Variants in CGN observed in about 807,000 individuals in gnomAD.
CGN encodes cingulin.
In CGN, 121 loss-of-function variants were observed where a neutral mutation model predicts 157.1. The observed-to-expected ratio is 0.77, with a 90% confidence interval of 0.66 to 0.90. The LOEUF (loss-of-function observed/expected upper bound fraction) is 0.90, where lower values mean the gene tolerates loss of function less well. Ranked by LOEUF, CGN falls within the 40% of genes least tolerant of loss-of-function variation. CGN has a pLI of 0.00. For missense variants in CGN, 1,424 were observed against 1,520.9 expected (o/e 0.94, Z 1.06); for synonymous variants, 535 against 607.5 (o/e 0.88, Z 1.76).
chr1:151,529,301 A>G (rs1557991194), intron 10 of CGN, 49 bp from the exon 11 acceptor site: 7 of 1,500,442 alleles, frequency 4.7e-6, no homozygotes, highest in African/African-American at 4.1e-5. Flanking sequence ...ACATTCAGGT[A>G]TCTTAGTCTG....
rs1304813778 is a variant in CGN at position 151,524,731 on chromosome 1, G to A, written c.1459G>A (p.Glu487Lys). Residue 487 changes from glutamate (E) to lysine (K), a missense_variant, in exon 8 of 21, where the codon GAG (glutamate) becomes AAG (lysine). Around this residue, in one of 3 missense-constraint regions of CGN, gnomAD observed 1,187 missense variants for 1,217.6 expected, o/e 0.97. Transcript: ENST00000271636. The surrounding 1 kb of genome is among the most constrained non-coding windows in gnomAD (Gnocchi z 4.4). The stretch of plus-strand genomic sequence containing the variant: ...GGTCTTGGAGGGGAAACAGCGAGTA[G>A]AGGAGCAGCTGAGGCTGCGGGAGCG... ...EEVLEGKQRV[E>K]EQLRLREREL... 6.2e-7 allele frequency: 1 copy of A among 1,610,700 alleles called. No individual in the cohort carries two copies. The highest frequency in any genetic ancestry group is 1.7e-5 in the Admixed American group (1 of 58,520).
At position 151,529,405 on chromosome 1, in the gene CGN, A is replaced by C; in HGVS notation, c.1952A>C (p.Gln651Pro). 6.2e-7 allele frequency: 1 copy of C among 1,613,696 alleles called. No individual in the cohort carries two copies. The highest frequency in any genetic ancestry group is 8.5e-7 in the Non-Finnish European group (1 of 1,179,846). Residue 651 changes from glutamine to proline, a missense_variant, in exon 11 of 21, where the codon CAG (glutamine) becomes CCG (proline). Around this residue, in one of 3 missense-constraint regions of CGN, gnomAD observed 1,187 missense variants for 1,217.6 expected, o/e 0.97. Transcript: ENST00000271636. ...LKELQAERQS[Q>P]EVAGRHRDRE... The stretch of plus-strand genomic sequence containing the variant: ...GAACTGCAGGCAGAACGGCAGAGCC[A>C]GGAGGTGGCTGGGCGACACCGGGAC...
intron 1 of CGN, chr1:151,515,650 T>C (rs1355734644): frequency 1.3e-5 from 2 of 152,246 alleles, no homozygotes; most frequent in Non-Finnish European, 2.9e-5. Context: ...GTTTTTTGTA[T>C]TTTTTGTAGA....
Position 151,522,714 on chromosome 1 carries a change from G to C in CGN, c.1141-720G>C, listed in dbSNP as rs890487648. 2.6e-5 allele frequency among the ~76,000 whole-genome samples: 4 copies of C among 151,996 alleles called. 1 individual carries two copies. The highest frequency in any genetic ancestry group is 2.0e-4 in the Admixed American group (3 of 15,246). ...AGATTACCTGAGGTCGGGAGTTTGA[G>C]ACCAGCCTGACCAACATGGAGAAAC... On this transcript the variant is annotated intron_variant, in intron 5 of 20. Coordinates refer to ENST00000271636, the MANE Select transcript of CGN (RefSeq NM_020770.3).
intron 2 of CGN, 86 bp from the exon 3 acceptor site, chr1:151,520,080 C>T (rs1242504908): frequency 2.0e-6 from 2 of 982,672 alleles, no homozygotes; most frequent in East Asian, 5.2e-5. Context: ...ACTTCTCCTC[C>T]ATCTGAACCC....
chr1:151,532,807 G>T (rs1664870486), intron 14 of CGN, among the ~76,000 whole-genome samples: 1 of 151,910 alleles, frequency 6.6e-6, no homozygotes. Flanking sequence ...TTTCAGTAGA[G>T]ACGGGGTTTC....
Position 151,520,274 on chromosome 1 carries a change from G to T in CGN, c.974+8G>T. The T allele has an allele frequency of 6.2e-7, 1 of 1,609,750 alleles. No homozygotes were observed. On this transcript the variant is annotated splice_region_variant and intron_variant, in intron 3 of 20. Coordinates refer to ENST00000271636, the MANE Select transcript of CGN (RefSeq NM_020770.3). ...TGGCATCCTGAGGGAGGGGTGAGTG[G>T]GGGCCCCCCCAACAACAGAGGCATA...
chr1:151,529,541 C>T lies in CGN; in HGVS notation c.2088C>T (p.Asp696=), dbSNP rs1389160798. ...AGACCCTCCAGCAACTGCGACAGGA[C>T]TGTGAAGAGGCTTCCAAGGCAAGGG... is the stretch of plus-strand genomic sequence containing the variant. ...LQKTLQQLRQ[D]CEEASKAKMV... Residue 696 remains aspartate, a synonymous_variant, in exon 11 of 21, where the codon GAC becomes GAT. Transcript: ENST00000271636. 6.2e-7 allele frequency: 1 copy of T among 1,613,718 alleles called. No individual in the cohort carries two copies. The highest frequency in any genetic ancestry group is 1.1e-5 in the South Asian group (1 of 91,032).
chr1:151,520,200 A>G lies in CGN; in HGVS notation c.908A>G (p.Gln303Arg). 6.2e-7 allele frequency: 1 copy of G among 1,613,284 alleles called. No individual in the cohort carries two copies. The change falls in exon 3 of 21, where the codon CAG (glutamine) becomes CGG (arginine). Residue 303 changes from glutamine (Q) to arginine (R), a missense_variant. This residue lies in a region of CGN where 1,187 missense variants were observed against 1,217.6 expected (regional missense o/e 0.97). Transcript: ENST00000271636. ...KSTPDLLRDQ[Q>R]EAAPPGSVDH... is the part of the protein sequence containing the mutation. ...ACTCCAGACCTCCTTCGAGACCAGC[A>G]GGAGGCAGCCCCACCAGGCAGTGTG...
upstream of CGN, chr1:151,510,938 T>C (rs939520574): frequency 3.3e-5 from 5 of 152,156 alleles, no homozygotes; most frequent in African/African-American, 1.2e-4. Flanking sequence ...GGCTCTGACG[T>C]CGGGGGACAA....
intron 1 of CGN, among the ~76,000 whole-genome samples, chr1:151,512,652 C>A (rs1210822973): frequency 5.9e-5 from 9 of 152,298 alleles, no homozygotes; most frequent in Admixed American, 5.2e-4. Flanking sequence ...CTAGAGTCAA[C>A]CTTAGCTTGG....
At position 151,535,620 on chromosome 1, in the gene CGN, G is replaced by T. The variant is rs775230863; in HGVS notation, c.3015G>T (p.Glu1005Asp). 2 of 1,614,026 alleles carry T rather than the reference G, an allele frequency of 1.2e-6. No homozygotes were observed. The highest frequency in any genetic ancestry group is 3.3e-5 in the Admixed American group (2 of 60,028). ...ACTAGGTGGATCAGCTGAGGACAGA[G>T]CTCATGCAGGAAAGGTCTGCTCGGC... ...GRDQVDQLRT[E>D]LMQERSARQD... is the part of the protein sequence containing the mutation. The change falls in exon 17 of 21, where the codon GAG (glutamate) becomes GAT (aspartate). Residue 1005 changes from glutamate to aspartate, a missense_variant. Physicochemically the swap from Glu to Asp is conservative, Grantham distance 45. This residue lies in a region of CGN where 199 missense variants were observed against 272.2 expected (regional missense o/e 0.73). Transcript: ENST00000271636.
At chr1:151,519,819 G>A (rs1225103458) in intron 2 of CGN, among the ~76,000 whole-genome samples, 2 of 152,214 alleles carry the variant, frequency 1.3e-5, no homozygotes, top group African/African-American at 4.8e-5. Context: ...TGAGAGAAAC[G>A]TAAGTCTGTT....
intron 10 of CGN, 51 bp from the exon 11 acceptor site, chr1:151,529,299 G>A (rs375214486): frequency 1.3e-5 from 19 of 1,478,202 alleles, no homozygotes; most frequent in African/African-American, 2.8e-5. Context: ...CCACATTCAG[G>A]TATCTTAGTC....
intron 18 of CGN, 81 bp from the exon 19 acceptor site, chr1:151,536,156 G>C (rs1664963586): frequency 1.1e-6 from 1 of 903,900 alleles, no homozygotes; most frequent in Non-Finnish European, 1.9e-6. Context: ...GCTGAGAGGA[G>C]TCCTTGGGGA....
chr1:151,533,476 A>AAAAAAC (rs1201468231), intron 14 of CGN, among the ~76,000 whole-genome samples: 3 of 151,074 alleles, frequency 2.0e-5, no homozygotes, highest in East Asian at 2.0e-4. Context: ...ACTCCATCTC[A>AAAAAAC]AAAAACAAAA....
At position 151,535,694 on chromosome 1, in the gene CGN, AG is replaced by A; in HGVS notation, c.3078+15del. ...TCCTTGGAGAGACAGGTGATGGGGG[AG>A]GGGAGGATTCTTAGGGATGGACCCC... On this transcript the variant is annotated intron_variant, in intron 17 of 20. Transcript: ENST00000271636. The A allele has an allele frequency of 1.9e-6, 3 of 1,612,088 alleles. No individual in the cohort carries two copies. Among genetic ancestry groups the A allele is most frequent in the Non-Finnish European group, 2.5e-6 (3 of 1,178,298 alleles).
Position 151,519,174 on chromosome 1 carries a change from C to T in CGN, c.655C>T (p.Leu219Phe), listed in dbSNP as rs1190638386. Reference sequence around the variant, plus strand: ...ACGGAGCAAGAGCCTGGACAGCCGCCTCCCACGGGACACCTTTGAGGAACG... The same window carrying T: ...ACGGAGCAAGAGCCTGGACAGCCGCTTCCCACGGGACACCTTTGAGGAACG... Reference protein sequence around the residue: ...RKRSKSLDSRLPRDTFEERER... With the variant: ...RKRSKSLDSRFPRDTFEERER... Residue 219 changes from leucine (L) to phenylalanine (F), a missense_variant, in exon 2 of 21, where the codon CTC becomes TTC. By Grantham distance (22) the Leu-to-Phe change is conservative (BLOSUM62 0). This residue lies in a region of CGN where 1,187 missense variants were observed against 1,217.6 expected (regional missense o/e 0.97). Coordinates refer to ENST00000271636, the MANE Select transcript of CGN (RefSeq NM_020770.3). 6.2e-7 allele frequency: 1 copy of T among 1,614,126 alleles called. No individual in the cohort carries two copies. The highest frequency in any genetic ancestry group is 1.7e-5 in the Admixed American group (1 of 60,030).
chr1:151,527,334 C>T (rs888143172), intron 10 of CGN, among the ~76,000 whole-genome samples: 3 of 152,168 alleles, frequency 2.0e-5, no homozygotes, highest in Admixed American at 6.6e-5. Context: ...GGGGTATAGC[C>T]AGAGGCTGCT....
Sources: gnomAD v4.1 joint callset for allele counts (sites outside exome capture counted in the v4.1 genomes callset) on GRCh38, gnomAD v4.1.1 for gene constraint, gnomAD v4.1.1 regional missense constraint, Gnocchi (gnomAD v3.1) non-coding constraint, MANE v1.5 for transcripts, NCBI Gene and HGNC (gene_info 2026-07-23, HGNC 2026-07-21) for gene names.